The following CUX1 variants were observed in gnomAD, a reference collection of about 807,000 sequenced individuals.
The protein encoded by CUX1 is protein CASP.
Under a neutral mutation model 158.8 loss-of-function variants are expected in CUX1, and 31 were observed. The observed-to-expected ratio is 0.20, with a 90% CI of 0.15 to 0.26. CUX1 has a LOEUF of 0.26. Ranked by LOEUF, CUX1 falls within the 10% of genes least tolerant of loss-of-function variation. The pLI is 1.00. For synonymous variants in CUX1, 879 were observed against 862.1 expected, an observed-to-expected ratio of 1.02 and a Z score of -0.34; for missense variants, 1,589 against 2,014.6, an observed-to-expected ratio of 0.79 and a Z score of 4.04.
Position 102,227,548 on chromosome 7 carries a change from C to T in CUX1, c.3312C>T (p.Thr1104=), listed in dbSNP as rs1303998696. ...CAGCATCCGACTCCCAGCCCACAAC[C>T]CCGCTGCCTCTCTCCGGACACTCGG... The part of the protein sequence containing the change: ...DPPASDSQPT[T]PLPLSGHSAL... Residue 1104 remains threonine, a synonymous_variant, in exon 21 of 24, where the codon ACC becomes ACT. Coordinates refer to ENST00000292535, the MANE Select transcript of CUX1 (RefSeq NM_181552.4). 4 of 1,614,052 alleles carry T rather than the reference C, an allele frequency of 2.5e-6. No individual in the cohort carries two copies. Among genetic ancestry groups the T allele is most frequent in the Non-Finnish European group, 3.4e-6 (4 of 1,180,050 alleles).
At chr7:102,155,095 T>A (rs1460016602) in intron 8 of CUX1, among the ~76,000 whole-genome samples, 1 of 152,230 alleles carries the variant, frequency 6.6e-6, no homozygotes, top group Non-Finnish European at 1.5e-5. Context: ...CATCTCTATG[T>A]GCCCATTCCA....
At chr7:102,043,979 G>A (rs577502412) in intron 3 of CUX1, among the ~76,000 whole-genome samples, 2 of 151,988 alleles carry the variant, frequency 1.3e-5, no homozygotes, top group South Asian at 2.1e-4. Flanking sequence ...CCTGTCAGCC[G>A]TTTGCATGTC....
intron 1 of CUX1, among the ~76,000 whole-genome samples, chr7:101,888,921 C>T (rs758883231): frequency 9.2e-5 from 14 of 152,046 alleles, no homozygotes; most frequent in Non-Finnish European, 1.3e-4. Context: ...AATTTTGGCA[C>T]TCCTTGCAGA....
chr7:102,160,324 A>G (rs1216167805), intron 9 of CUX1, among the ~76,000 whole-genome samples: 1 of 152,088 alleles, frequency 6.6e-6, no homozygotes, highest in African/African-American at 2.4e-5. Context: ...GGGCAATCTA[A>G]TGTGCCCAAC....
intron 5 of CUX1, among the ~76,000 whole-genome samples, chr7:102,102,626 C>T (rs1385665399): frequency 6.6e-6 from 1 of 152,162 alleles, no homozygotes; most frequent in Non-Finnish European, 1.5e-5. Context: ...TCTGGGCTTC[C>T]CCCAGCTCTG....
At chr7:102,280,251 G>C (rs560677913) in intron 19 of CUX1, 3 of 621,900 alleles carry the variant, frequency 4.8e-6, no homozygotes, top group Non-Finnish European at 8.5e-6. Context: ...GCCCTTGTCT[G>C]GGTGCTCTCG....
intron 1 of CUX1, among the ~76,000 whole-genome samples, chr7:101,908,552 A>G (rs1414389818): frequency 2.0e-5 from 3 of 151,338 alleles, no homozygotes; most frequent in Non-Finnish European, 4.4e-5. Context: ...CAGGTGATCC[A>G]CCCACCTCAG....
chr7:101,860,884 G>A (rs1797386507), intron 1 of CUX1, among the ~76,000 whole-genome samples: 1 of 151,826 alleles, frequency 6.6e-6, no homozygotes, highest in Admixed American at 6.6e-5. Context: ...ATAGCTCACT[G>A]CAGCCTTGAC....
At position 102,115,290 on chromosome 7, in the gene CUX1, G is replaced by T; in HGVS notation, c.674+17G>T. 6.2e-7 allele frequency: 1 copy of T among 1,606,132 alleles called. No homozygotes were observed. Among genetic ancestry groups the T allele is most frequent in the South Asian group, 1.1e-5 (1 of 89,708 alleles). ...TACTGCAAAGTAAGTCTCTCTGCTT[G>T]GCCTCCCTTATCCGTACACATTTCT... On this transcript the variant is annotated intron_variant, in intron 8 of 23. Coordinates refer to ENST00000292535, the MANE Select transcript of CUX1 (RefSeq NM_181552.4).
At chr7:102,158,811 T>C (rs1275636263) in intron 9 of CUX1, among the ~76,000 whole-genome samples, 3 of 152,242 alleles carry the variant, frequency 2.0e-5, no homozygotes, top group Non-Finnish European at 4.4e-5. Context: ...TGGCAAAGTC[T>C]TTGATGTGGT....
At chr7:102,179,457 G>A (rs1306065957) in intron 11 of CUX1, among the ~76,000 whole-genome samples, 1 of 152,172 alleles carries the variant, frequency 6.6e-6, no homozygotes, top group African/African-American at 2.4e-5. Flanking sequence ...TGAAACCCCA[G>A]AGGTCCATGG....
At chr7:101,870,240 A>G (rs1798377304) in intron 1 of CUX1, among the ~76,000 whole-genome samples, 1 of 147,968 alleles carries the variant, frequency 6.8e-6, no homozygotes, top group Non-Finnish European at 1.5e-5. Flanking sequence ...TGCAGCCTCA[A>G]CCTTCTGGGC....
At chr7:102,139,949 C>T (rs1834274049) in intron 8 of CUX1, among the ~76,000 whole-genome samples, 1 of 152,100 alleles carries the variant, frequency 6.6e-6, no homozygotes, top group Non-Finnish European at 1.5e-5. Flanking sequence ...AATGACAGGT[C>T]TAAGCCACTC....
intron 2 of CUX1, among the ~76,000 whole-genome samples, chr7:101,928,882 G>A (rs1805955849): frequency 6.7e-6 from 1 of 149,650 alleles, no homozygotes; most frequent in African/African-American, 2.5e-5. Flanking sequence ...GTTTTAGCCG[G>A]GATGGTCTCG....
intron 10 of CUX1, among the ~76,000 whole-genome samples, chr7:102,174,528 C>T (rs949611384): frequency 1.4e-4 from 21 of 152,192 alleles, no homozygotes; most frequent in African/African-American, 5.1e-4. Context: ...TGCTTCTCAT[C>T]CAGGCCCCCT....
At chr7:102,137,850 G>C (rs1191579767) in intron 8 of CUX1, among the ~76,000 whole-genome samples, 3 of 151,556 alleles carry the variant, frequency 2.0e-5, no homozygotes, top group Admixed American at 2.0e-4. Flanking sequence ...ATATAATATT[G>C]ATTAGTCTGG....
At chr7:102,204,975 C>G (rs1795801104) in intron 19 of CUX1, 139 bp from the exon 20 acceptor site, 1 of 642,526 alleles carries the variant, frequency 1.6e-6, no homozygotes, top group African/African-American at 1.8e-5. Context: ...ACAGCAGCGC[C>G]TCCCCGGCCC....
intron 1 of CUX1, among the ~76,000 whole-genome samples, chr7:101,903,587 C>T (rs1444459176): frequency 6.6e-6 from 1 of 152,136 alleles, no homozygotes; most frequent in Non-Finnish European, 1.5e-5. Flanking sequence ...TTTGAGTAAT[C>T]CATAAAGCAG....
chr7:101,912,142 G>A (rs1053538827), intron 1 of CUX1, among the ~76,000 whole-genome samples: 3 of 151,744 alleles, frequency 2.0e-5, no homozygotes, highest in South Asian at 2.1e-4. Context: ...TGTCTTCCTC[G>A]GGAGAGTTCT....
Sources: gnomAD v4.1 joint callset for allele counts (sites outside exome capture counted in the v4.1 genomes callset) on GRCh38, gnomAD v4.1.1 for gene constraint, MANE v1.5 for transcripts, NCBI Gene and HGNC (gene_info 2026-07-23, HGNC 2026-07-21) for gene names.